The following EIF2AK1 variants were observed in gnomAD, a reference collection of about 807,000 sequenced individuals.
The protein encoded by EIF2AK1 is eukaryotic translation initiation factor 2-alpha kinase 1.
A neutral mutation model predicts 77.9 loss-of-function variants in EIF2AK1; 54 were observed. That is an observed-to-expected ratio of 0.69 (90% CI 0.56 to 0.87). The LOEUF (loss-of-function observed/expected upper bound fraction) is 0.87. Ranked by LOEUF, EIF2AK1 falls within the 40% of genes least tolerant of loss-of-function variation. EIF2AK1 has a pLI of 0.00. For synonymous variants in EIF2AK1, 314 were observed against 290.5 expected (o/e 1.08, Z -0.82); for missense variants, 810 against 768.6 (o/e 1.05, Z -0.64).
intron 1 of EIF2AK1, among the ~76,000 whole-genome samples, chr7:6,055,982 C>CAAAAA (rs755531680): frequency 4.2e-5 from 1 of 23,980 alleles, no homozygotes; most frequent in Non-Finnish European, 6.8e-5. Context: ...AACTCTGTCT[C>CAAAAA]AAAAAAAAAA....
intron 1 of EIF2AK1, among the ~76,000 whole-genome samples, chr7:6,055,833 G>C (rs1470161707): frequency 6.7e-6 from 1 of 149,738 alleles, no homozygotes; most frequent in African/African-American, 2.5e-5. Flanking sequence ...AACAAAATTA[G>C]CCAGGCGTGG....
rs917559296 is a variant in EIF2AK1 at position 6,027,453 on chromosome 7, A to G, written c.1531-492T>C. Among the ~76,000 whole-genome samples the G allele has an allele frequency of 4.6e-5, 7 of 152,204 alleles. No homozygotes were observed. The highest frequency in any genetic ancestry group is 1.7e-4 in the African/African-American group (7 of 41,452). ...TTTTTAGGAAGGTCTTCACTAAACA[A>G]GATTTTAGGGGCAGCCATCATTTTT... is the stretch of plus-strand genomic sequence containing the variant. On this transcript the variant is annotated intron_variant, in intron 13 of 14. Transcript: ENST00000199389. The surrounding 1 kb of genome is among the most constrained non-coding windows in gnomAD (Gnocchi z 4.5).
intron 4 of EIF2AK1, chr7:6,047,329 C>T (rs1369333954): frequency 3.4e-6 from 2 of 586,998 alleles, no homozygotes; most frequent in Non-Finnish European, 6.3e-6. Context: ...CAGCAGAAAT[C>T]CTAAGAATCA....
rs984568426 is a variant in EIF2AK1, at chr7:6,033,417, G to C, written c.1332+4007C>G. ...TAGATGAGATACTCTGAAAAACTGA[G>C]AAAAATGCAACATCATAAATATTTT... On this transcript the variant is annotated intron_variant, in intron 11 of 14. Transcript: ENST00000199389. This position sits in a 1 kb window ranked among gnomAD's most constrained non-coding sequence, Gnocchi z 4.4. Among the ~76,000 whole-genome samples the C allele has an allele frequency of 5.9e-5, 9 of 152,088 alleles. No individual in the cohort carries two copies. Among genetic ancestry groups the C allele is most frequent in the South Asian group, 2.1e-4 (1 of 4,824 alleles).
At position 6,024,750 on chromosome 7, in the gene EIF2AK1, C is replaced by A; in HGVS notation, c.1816G>T (p.Glu606Ter). 3 of 1,593,334 alleles carry A rather than the reference C, an allele frequency of 1.9e-6. No homozygotes were observed. The highest frequency in any genetic ancestry group is 1.7e-6 in the Non-Finnish European group (2 of 1,173,562). The change falls in exon 15 of 15, where the codon GAA becomes TAA. Residue 606 changes from glutamate (E) to a stop codon, truncating the protein, a stop_gained. Transcript: ENST00000199389. LOFTEE classifies it low-confidence loss of function (END_TRUNC). ...AGGAGGTTTAGCTGCTTCTTTAGTTCTGCAATTTCTTTTTCTTGCTCTATT... is the reference window on the plus strand; with the variant it reads ...AGGAGGTTTAGCTGCTTCTTTAGTTATGCAATTTCTTTTTCTTGCTCTATT... ...KIIEQEKEIA[E>*]LKKQLNLLSQ...
chr7:6,024,875 G>A, intron 14 of EIF2AK1, 74 bp from the exon 15 acceptor site: 2 of 1,165,794 alleles, frequency 1.7e-6, no homozygotes, highest in Non-Finnish European at 2.3e-6. Context: ...GTCTCGCTCT[G>A]TCGCCCAGGC....
chr7:6,059,130 A>G lies in EIF2AK1; in HGVS notation c.-47T>C. 1 of 1,232,410 alleles carries G rather than the reference A, an allele frequency of 8.1e-7. No individual in the cohort carries two copies. Among genetic ancestry groups the G allele is most frequent in the Non-Finnish European group, 1.1e-6 (1 of 949,468 alleles). The allele number at this position is 1,232,410 out of a possible 1,614,324, so 76.3% of individuals were successfully genotyped here. On this transcript the variant is annotated 5_prime_UTR_variant, in exon 1 of 15. Coordinates refer to ENST00000199389, the MANE Select transcript of EIF2AK1 (RefSeq NM_014413.4). Reference sequence around the variant, plus strand: ...AGCCCAGCCCGCCGGCCAGCCCAGCACTGCCACACTCCGATGCTGCAGCTA... The same window carrying G: ...AGCCCAGCCCGCCGGCCAGCCCAGCGCTGCCACACTCCGATGCTGCAGCTA...
At chr7:6,050,841 G>T (rs968170341) in intron 2 of EIF2AK1, among the ~76,000 whole-genome samples, 1 of 151,816 alleles carries the variant, frequency 6.6e-6, no homozygotes, top group African/African-American at 2.4e-5. Context: ...CTGACCTCGT[G>T]ATCCACCCAC....
At chr7:6,049,305 A>G (rs930501405) in intron 3 of EIF2AK1, among the ~76,000 whole-genome samples, 2 of 152,190 alleles carry the variant, frequency 1.3e-5, no homozygotes, top group Non-Finnish European at 2.9e-5. Flanking sequence ...AGCACTTGGG[A>G]GGCCAAGGCA....
chr7:6,034,411 C>A (rs940995623), intron 11 of EIF2AK1, among the ~76,000 whole-genome samples: 1 of 152,146 alleles, frequency 6.6e-6, no homozygotes. Context: ...CACCCCACCC[C>A]AGCTCTGCAA....
Position 6,035,421 on chromosome 7 carries a change from C to T in EIF2AK1, c.1332+2003G>A, listed in dbSNP as rs961066656. On this transcript the variant is annotated intron_variant, in intron 11 of 14. Coordinates refer to ENST00000199389, the MANE Select transcript of EIF2AK1 (RefSeq NM_014413.4). The surrounding 1 kb of genome is among the most constrained non-coding windows in gnomAD (Gnocchi z 5.5). ...CGTTCCCACTGTGAATTCAGTGTAA[C>T]GTGTAATCAATACCCATTCTAGGGA... 13 of 1,536,764 alleles carry T rather than the reference C, an allele frequency of 8.5e-6. No individual in the cohort carries two copies. Among genetic ancestry groups the T allele is most frequent in the East Asian group, 7.4e-5 (3 of 40,696 alleles).
intron 6 of EIF2AK1, among the ~76,000 whole-genome samples, chr7:6,045,748 T>TAC (rs904170590): frequency 9.5e-5 from 14 of 148,058 alleles, no homozygotes; most frequent in African/African-American, 3.4e-4. Flanking sequence ...TATATATATA[T>TAC]ATATAAATTA....
chr7:6,057,222 TC>T (rs1001289287), intron 1 of EIF2AK1, among the ~76,000 whole-genome samples: 4 of 142,648 alleles, frequency 2.8e-5, no homozygotes, highest in Admixed American at 7.5e-5. Flanking sequence ...AACCTCTGCC[TC>T]CCGGACGACC....
intron 1 of EIF2AK1, among the ~76,000 whole-genome samples, chr7:6,058,729 A>T (rs1788865088): frequency 6.6e-6 from 1 of 152,256 alleles, no homozygotes; most frequent in Non-Finnish European, 1.5e-5. Context: ...GAGGAAACCA[A>T]GGAACAGAAA....
chr7:6,032,880 C>T lies in EIF2AK1; in HGVS notation c.1333-3848G>A, dbSNP rs1414968473. 1 of 1,551,084 alleles carries T rather than the reference C, an allele frequency of 6.4e-7. No homozygotes were observed. Among genetic ancestry groups the T allele is most frequent in the African/African-American group, 1.4e-5 (1 of 73,180 alleles). ...TCCCCATCCATCTGGCTGCCAAGTA[C>T]CACAAGGCCCAGAGTCTGCTCTGCC... On this transcript the variant is annotated intron_variant, in intron 11 of 14. Transcript: ENST00000199389. This position sits in a 1 kb window ranked among gnomAD's most constrained non-coding sequence, Gnocchi z 4.3.
At chr7:6,054,409 A>T (rs1788692930) in intron 2 of EIF2AK1, 137 bp downstream of exon 2, 3 of 892,186 alleles carry the variant, frequency 3.4e-6, no homozygotes. Context: ...TCGTCATGTT[A>T]GCCAAACCGA....
intron 8 of EIF2AK1, among the ~76,000 whole-genome samples, chr7:6,042,516 G>A (rs1788327962): frequency 2.0e-5 from 3 of 151,162 alleles, no homozygotes; most frequent in Non-Finnish European, 2.9e-5. Flanking sequence ...ATTTTGTAAC[G>A]GAAATAAGCA....
rs1250656735 is a variant in EIF2AK1 at position 6,036,257 on chromosome 7, A to G, written c.1332+1167T>C. ...AGCAATCGCAAAAACCTTTATCCCTACAGGGTATCTGCAAAAGAAACATCA... is the reference window on the plus strand; with the variant it reads ...AGCAATCGCAAAAACCTTTATCCCTGCAGGGTATCTGCAAAAGAAACATCA... On this transcript the variant is annotated intron_variant, in intron 11 of 14. Coordinates refer to ENST00000199389, the MANE Select transcript of EIF2AK1 (RefSeq NM_014413.4). This position sits in a 1 kb window ranked among gnomAD's most constrained non-coding sequence, Gnocchi z 4.6. 2 of 1,550,106 alleles carry G rather than the reference A, an allele frequency of 1.3e-6. No homozygotes were observed. The highest frequency in any genetic ancestry group is 1.7e-6 in the Non-Finnish European group (2 of 1,146,946).
Position 6,055,982 on chromosome 7 carries a change from C to CAAAA in EIF2AK1, c.119-1282_119-1279dup, listed in dbSNP as rs755531680. Among the ~76,000 whole-genome samples, 31 of 23,986 alleles carry CAAAA rather than the reference C, an allele frequency of 1.3e-3. 3 individuals are homozygous for CAAAA. Among genetic ancestry groups the CAAAA allele is most frequent in the African/African-American group, 4.4e-3 (23 of 5,170 alleles). The allele number at this position is 23,986 out of a possible 152,430, so 15.7% of individuals were successfully genotyped here. A position where few individuals can be genotyped will look rare whatever the true frequency, so the allele number is the denominator to read the frequency against. ...TGGGCAACAAAGTGAAACTCTGTCT[C>CAAAA]AAAAAAAAAAAAAAAAAAAAAAAAA... On this transcript the variant is annotated intron_variant, in intron 1 of 14. Coordinates refer to ENST00000199389, the MANE Select transcript of EIF2AK1 (RefSeq NM_014413.4).
Sources: allele counts gnomAD v4.1 joint callset (sites outside exome capture counted in the v4.1 genomes callset), GRCh38; gene constraint gnomAD v4.1.1; non-coding constraint Gnocchi (gnomAD v3.1); transcripts MANE v1.5; gene names NCBI Gene and HGNC (gene_info 2026-07-23, HGNC 2026-07-21).